The following PCDHA4 variants were observed in gnomAD, a reference collection of about 807,000 sequenced individuals.
PCDHA4 encodes protocadherin alpha 4.
In PCDHA4, 49 loss-of-function variants were observed where a neutral mutation model predicts 61.4. The observed-to-expected ratio is 0.80, with a 90% confidence interval of 0.63 to 1.01. PCDHA4 has a LOEUF of 1.01. Ranked by LOEUF, PCDHA4 falls within the 50% of genes least tolerant of loss-of-function variation. PCDHA4 has a pLI of 0.00. For synonymous variants in PCDHA4, 590 were observed against 550.3 expected, an observed-to-expected ratio of 1.07 and a Z score of -1.01; for missense variants, 1,254 against 1,235.8, an observed-to-expected ratio of 1.01 and a Z score of -0.22.
chr5:140,969,058 T>C, intron 1 of PCDHA4: 1 of 1,614,166 alleles, frequency 6.2e-7, no homozygotes. Flanking sequence ...ACAACAATAT[T>C]GATGCCAGGA....
At chr5:140,988,092 C>T (rs1266366711) in intron 3 of PCDHA4, among the ~76,000 whole-genome samples, 6 of 152,174 alleles carry the variant, frequency 3.9e-5, no homozygotes, top group East Asian at 1.9e-4. Flanking sequence ...AGTGCAGCCT[C>T]GGGCCTTGTT....
intron 1 of PCDHA4, among the ~76,000 whole-genome samples, chr5:140,949,245 A>G (rs782212374): frequency 2.4e-4 from 37 of 151,798 alleles, no homozygotes; most frequent in Non-Finnish European, 4.3e-4. Context: ...GCAACAGTCT[A>G]TCTTGATGAA....
At position 140,809,439 on chromosome 5, in the gene PCDHA4, C is replaced by A. The variant is rs1187355294; in HGVS notation, c.2252C>A (p.Ser751Ter). 1 of 1,614,084 alleles carries A rather than the reference C, an allele frequency of 6.2e-7. No individual in the cohort carries two copies. Among genetic ancestry groups the A allele is most frequent in the Non-Finnish European group, 8.5e-7 (1 of 1,180,026 alleles). Residue 751 changes from serine (S) to a stop codon, truncating the protein, a stop_gained, in exon 1 of 4, where the codon TCG becomes TAG. Transcript: ENST00000530339. LOFTEE classifies it high-confidence loss of function. ...CSSAVGSWSY[S>*]QQRRPRVCSG... Reference sequence around the variant, plus strand: ...AGTGCGGTGGGGAGCTGGTCATACTCGCAGCAGAGGAGGCCGAGGGTGTGC... The same window carrying A: ...AGTGCGGTGGGGAGCTGGTCATACTAGCAGCAGAGGAGGCCGAGGGTGTGC...
chr5:140,928,719 T>C (rs1554206226), intron 1 of PCDHA4: 31 of 1,614,044 alleles, frequency 1.9e-5, no homozygotes, highest in Non-Finnish European at 2.5e-5. Flanking sequence ...CTAGTCTCTT[T>C]AGAATTTCAG....
At chr5:140,923,304 G>T (rs933906504) in intron 1 of PCDHA4, among the ~76,000 whole-genome samples, 2 of 152,172 alleles carry the variant, frequency 1.3e-5, no homozygotes, top group East Asian at 3.9e-4. Context: ...TGGGCGTGGG[G>T]GCGCTTGGCC....
intron 1 of PCDHA4, chr5:140,882,266 A>G (rs1471101520): frequency 6.2e-7 from 1 of 1,610,426 alleles, no homozygotes; most frequent in South Asian, 1.1e-5. Flanking sequence ...TTTGGAGTGT[A>G]CCATGCTGTC....
chr5:140,812,755 G>A (rs978765974), intron 1 of PCDHA4: 1 of 152,220 alleles, frequency 6.6e-6, no homozygotes, highest in African/African-American at 2.4e-5. Context: ...CACTGAGCTT[G>A]CCCAGCTTAA....
intron 1 of PCDHA4, among the ~76,000 whole-genome samples, chr5:140,924,615 C>G (rs142536325): frequency 6.6e-6 from 1 of 152,150 alleles, no homozygotes; most frequent in African/African-American, 2.4e-5. Flanking sequence ...ATGCCAGGTG[C>G]GGTGGCATGG....
At chr5:140,904,858 CTGTT>C (rs1335177457) in intron 1 of PCDHA4, among the ~76,000 whole-genome samples, 1 of 152,072 alleles carries the variant, frequency 6.6e-6, no homozygotes, top group Non-Finnish European at 1.5e-5. Context: ...TGAGAATTGT[CTGTT>C]TATGTCCTTA....
At chr5:140,888,436 G>A (rs782695641) in intron 1 of PCDHA4, among the ~76,000 whole-genome samples, 5 of 152,104 alleles carry the variant, frequency 3.3e-5, no homozygotes, top group Non-Finnish European at 7.4e-5. Flanking sequence ...CAGGACAGCC[G>A]CCCAACAATA....
At position 140,807,724 on chromosome 5, in the gene PCDHA4, T is replaced by A. The variant is rs782471672; in HGVS notation, c.537T>A (p.Ser179=). 6.2e-6 allele frequency: 10 copies of A among 1,614,174 alleles called. No homozygotes were observed. The East Asian group carries it at 2.2e-4, about 36-fold the overall frequency. The change falls in exon 1 of 4, where the codon TCT becomes TCA. Residue 179 remains serine (S), a synonymous_variant. Coordinates refer to ENST00000530339, the MANE Select transcript of PCDHA4 (RefSeq NM_018907.4). ...GACTGAGCCCAAATGAATACTTTTC[T>A]CTGGAAAAACCACCTGATGACGAGC... is the stretch of plus-strand genomic sequence containing the variant. ...TYRLSPNEYF[S]LEKPPDDELV...
rs1053953271 is a variant in PCDHA4 at position 140,853,589 on chromosome 5, C to G, written c.2385+44017C>G. 1.4e-5 allele frequency: 14 copies of G among 986,246 alleles called. 3 individuals are homozygous for G. The highest frequency in any genetic ancestry group is 1.7e-5 in the Non-Finnish European group (14 of 818,496). 61.1% of individuals were successfully genotyped at this position (986,246 alleles called of 1,614,324 possible). A position where few individuals can be genotyped will look rare whatever the true frequency, so the allele number is the denominator to read the frequency against. The stretch of plus-strand genomic sequence containing the variant: ...AAGTTGTCACCCAATATCTTAGACA[C>G]TTTGAGAGCAAAGGGGGTGCTGTAA... On this transcript the variant is annotated intron_variant, in intron 1 of 3. Coordinates refer to ENST00000530339, the MANE Select transcript of PCDHA4 (RefSeq NM_018907.4).
chr5:140,857,478 C>G (rs782202072), intron 1 of PCDHA4: 1 of 1,598,590 alleles, frequency 6.3e-7, no homozygotes, highest in Non-Finnish European at 8.6e-7. Context: ...TTCACGGTGT[C>G]TGCGTGGGAC....
intron 1 of PCDHA4, among the ~76,000 whole-genome samples, chr5:140,942,993 AT>A (rs1228666837): frequency 3.3e-5 from 5 of 152,166 alleles, no homozygotes; most frequent in African/African-American, 1.2e-4. Context: ...GTGGTGGCTC[AT>A]GCCTGTAATC....
intron 1 of PCDHA4, among the ~76,000 whole-genome samples, chr5:140,838,656 C>T (rs2150290974): frequency 1.1e-4 from 17 of 151,972 alleles, no homozygotes; most frequent in Admixed American, 2.0e-4. Context: ...TGATAGTTAA[C>T]GGGGCATGGT....
chr5:140,887,357 A>T (rs112910602), intron 1 of PCDHA4, among the ~76,000 whole-genome samples: 12,309 of 152,126 alleles, frequency 0.081, 539 homozygotes, highest in Middle Eastern at 0.13. Context: ...CGGCCTCCCA[A>T]AGTGCTGGGA....
intron 1 of PCDHA4, chr5:140,876,688 T>A (rs1382110439): frequency 2.5e-6 from 4 of 1,614,172 alleles, no homozygotes; most frequent in Non-Finnish European, 3.4e-6. Context: ...GAATTACTAC[T>A]CGTTGGTGCT....
At chr5:141,006,181 G>A (rs960173277) in intron 3 of PCDHA4, among the ~76,000 whole-genome samples, 1 of 150,918 alleles carries the variant, frequency 6.6e-6, no homozygotes, top group Non-Finnish European at 1.5e-5. Flanking sequence ...TTTTAAAAGA[G>A]TTTGCTATAT....
intron 1 of PCDHA4, chr5:140,848,680 G>A: frequency 1.9e-6 from 3 of 1,592,366 alleles, no homozygotes; most frequent in East Asian, 2.2e-5. Context: ...CTGGTGCCGC[G>A]CCTGTTCCAG....
Sources: gnomAD v4.1 joint callset for allele counts (sites outside exome capture counted in the v4.1 genomes callset) on GRCh38, gnomAD v4.1.1 for gene constraint, MANE v1.5 for transcripts, NCBI Gene and HGNC (gene_info 2026-07-23, HGNC 2026-07-21) for gene names.